Variants in DPYSL5 observed in about 807,000 individuals in gnomAD.
DPYSL5 encodes dihydropyrimidinase-related protein 5.
A neutral mutation model predicts 58.4 loss-of-function variants in DPYSL5; 9 were observed. The ratio of observed to expected loss-of-function variants is 0.15; its 90% CI spans 0.09 to 0.27. The LOEUF (loss-of-function observed/expected upper bound fraction) is 0.27, where lower values mean the gene tolerates loss of function less well. DPYSL5 is among the 10% of genes least tolerant of loss of function. The probability of loss-of-function intolerance (pLI) is 1.00; values close to 1 mark genes in which losing one functional copy is unlikely to be tolerated. For synonymous variants in DPYSL5, 293 were observed against 301.9 expected, an observed-to-expected ratio of 0.97 and a Z score of 0.31; for missense variants, 499 against 770.6, an observed-to-expected ratio of 0.65 and a Z score of 4.17.
rs202186057 is a variant in DPYSL5 at position 26,927,234 on chromosome 2, C to T, written c.421-19C>T. On this transcript the variant is annotated intron_variant, in intron 3 of 12. Coordinates refer to ENST00000288699, the MANE Select transcript of DPYSL5 (RefSeq NM_020134.4). The surrounding 1 kb of genome is among the most constrained non-coding windows in gnomAD (Gnocchi z 4.3). ...GGTGTCTGCCCTCACGCAGCATTGCCCTTCTACTTGTTCTCCAGGTGAAAG... is the reference window on the plus strand; with the variant it reads ...GGTGTCTGCCCTCACGCAGCATTGCTCTTCTACTTGTTCTCCAGGTGAAAG... 4 of 1,608,302 alleles carry T rather than the reference C, an allele frequency of 2.5e-6. No homozygotes were observed. The highest frequency in any genetic ancestry group is 1.7e-5 in the Admixed American group (1 of 59,350).
intron 1 of DPYSL5, among the ~76,000 whole-genome samples, chr2:26,889,275 CT>C (rs57812800): frequency 1.1e-3 from 162 of 145,700 alleles, no homozygotes; most frequent in Middle Eastern, 3.6e-3. Context: ...GCTTATACTT[CT>C]TTTTTTTTTT....
intron 2 of DPYSL5, among the ~76,000 whole-genome samples, chr2:26,913,852 C>G (rs1001661524): frequency 6.6e-6 from 1 of 151,164 alleles, no homozygotes; most frequent in African/African-American, 2.4e-5. Flanking sequence ...AAGGAAATGT[C>G]TTCAGCATGG....
At chr2:26,912,288 C>A (rs565883439) in intron 2 of DPYSL5, among the ~76,000 whole-genome samples, 4 of 152,324 alleles carry the variant, frequency 2.6e-5, no homozygotes, top group South Asian at 2.1e-4. Flanking sequence ...TGACTCACAG[C>A]CCCCGTTCCT....
chr2:26,855,929 A>G (rs924073501), intron 1 of DPYSL5, among the ~76,000 whole-genome samples: 2 of 152,176 alleles, frequency 1.3e-5, no homozygotes, highest in Non-Finnish European at 2.9e-5. Context: ...TTTTCATTTA[A>G]TATCTTTTTG....
chr2:26,874,337 C>T (rs899339223), intron 1 of DPYSL5, among the ~76,000 whole-genome samples: 1 of 152,080 alleles, frequency 6.6e-6, no homozygotes, highest in Non-Finnish European at 1.5e-5. Context: ...AACCCAAGAT[C>T]CTAAAGACTT....
intron 1 of DPYSL5, among the ~76,000 whole-genome samples, chr2:26,880,357 C>T (rs1355410529): frequency 1.3e-5 from 2 of 152,224 alleles, no homozygotes; most frequent in Non-Finnish European, 1.5e-5. Context: ...TCACTGCCCT[C>T]CCTGTCTCCA....
intron 5 of DPYSL5, among the ~76,000 whole-genome samples, chr2:26,928,704 T>TACACACAC (rs1553320464): frequency 7.9e-5 from 5 of 62,996 alleles, no homozygotes; most frequent in African/African-American, 3.1e-4. Context: ...TATATATATA[T>TACACACAC]ACACACACAC....
chr2:26,849,868 C>A lies in DPYSL5; in HGVS notation c.-5+1614C>A, dbSNP rs544072677. On this transcript the variant is annotated intron_variant, in intron 1 of 12. Coordinates refer to ENST00000288699, the MANE Select transcript of DPYSL5 (RefSeq NM_020134.4). The surrounding 1 kb of genome is among the most constrained non-coding windows in gnomAD (Gnocchi z 6.2). ...CTGGGGGCCTGCAGACAGCCACCCC[C>A]CCACTCCGGCTCGGGTGCCTTCTGG... Among the ~76,000 whole-genome samples the A allele has an allele frequency of 6.6e-6, 1 of 152,322 alleles. No individual in the cohort carries two copies. The highest frequency in any genetic ancestry group is 1.5e-5 in the Non-Finnish European group (1 of 68,018).
At chr2:26,863,899 G>C (rs1254829697) in intron 1 of DPYSL5, among the ~76,000 whole-genome samples, 1 of 152,154 alleles carries the variant, frequency 6.6e-6, no homozygotes, top group Non-Finnish European at 1.5e-5. Context: ...CTGCACTCTA[G>C]TTCACAGTAT....
Position 26,928,245 on chromosome 2 carries a change from T to C in DPYSL5, c.601-10T>C. 1 of 1,613,784 alleles carries C rather than the reference T, an allele frequency of 6.2e-7. No individual in the cohort carries two copies. Among genetic ancestry groups the C allele is most frequent in the Non-Finnish European group, 8.5e-7 (1 of 1,179,782 alleles). ...ATTCTCTCCATTTTCTTTCTCTTGC[T>C]GTTATCCAGGGTGCTAAGGAGGCAC... is the stretch of plus-strand genomic sequence containing the variant. On this transcript the variant is annotated splice_polypyrimidine_tract_variant and intron_variant, in intron 4 of 12. Transcript: ENST00000288699.
At chr2:26,863,519 C>T (rs930506930) in intron 1 of DPYSL5, among the ~76,000 whole-genome samples, 1 of 152,212 alleles carries the variant, frequency 6.6e-6, no homozygotes, top group African/African-American at 2.4e-5. Context: ...TTGGAAATAT[C>T]TTTGAAGCCT....
At chr2:26,869,337 C>T (rs1341660200) in intron 1 of DPYSL5, among the ~76,000 whole-genome samples, 1 of 152,112 alleles carries the variant, frequency 6.6e-6, no homozygotes, top group Non-Finnish European at 1.5e-5. Flanking sequence ...TATAACATTA[C>T]TTGCTTTAAG....
chr2:26,893,698 T>C (rs997419296), intron 1 of DPYSL5, among the ~76,000 whole-genome samples: 2 of 152,098 alleles, frequency 1.3e-5, no homozygotes, highest in African/African-American at 4.8e-5. Flanking sequence ...GAGACAAAGA[T>C]GACTGATAGG....
chr2:26,874,485 T>G (rs1663356873), intron 1 of DPYSL5, among the ~76,000 whole-genome samples: 1 of 152,218 alleles, frequency 6.6e-6, no homozygotes, highest in Admixed American at 6.5e-5. Flanking sequence ...TTTCCCGCAT[T>G]GAATTACCTT....
At chr2:26,885,210 C>T (rs893425457) in intron 1 of DPYSL5, among the ~76,000 whole-genome samples, 43 of 151,844 alleles carry the variant, frequency 2.8e-4, no homozygotes, top group African/African-American at 8.9e-4. Flanking sequence ...AAAAACAAAA[C>T]AAAATAAAAA....
chr2:26,902,304 G>A (rs1336563026), intron 2 of DPYSL5, among the ~76,000 whole-genome samples: 1 of 151,948 alleles, frequency 6.6e-6, no homozygotes, highest in Non-Finnish European at 1.5e-5. Flanking sequence ...TCTTTCATAT[G>A]TATCTAGTAT....
At chr2:26,945,541 A>G (rs987765533) in intron 12 of DPYSL5, among the ~76,000 whole-genome samples, 1 of 117,086 alleles carries the variant, frequency 8.5e-6, no homozygotes, top group Non-Finnish European at 1.7e-5. Flanking sequence ...CATGCGAGCC[A>G]CGGGCTCATA....
In DPYSL5 at chr2:26,944,738, G is replaced by C. The variant is rs751036969; in HGVS notation, c.1523G>C (p.Gly508Ala). The change falls in exon 12 of 13, where the codon GGA (glycine) becomes GCA (alanine). Residue 508 changes from glycine to alanine, a missense_variant. Gly to Ala is a moderately conservative substitution (Grantham distance 60). Coordinates refer to ENST00000288699, the MANE Select transcript of DPYSL5 (RefSeq NM_020134.4). The surrounding 1 kb of genome is among the most constrained non-coding windows in gnomAD (Gnocchi z 4.4). ...VVVHPGKKEM[G>A]TPLADTPTRP... is the part of the protein sequence containing the mutation. ...GTGCACCCTGGGAAAAAAGAGATGGGAACCCCACTCGCAGACACTCCTACC... is the reference window on the plus strand; with the variant it reads ...GTGCACCCTGGGAAAAAAGAGATGGCAACCCCACTCGCAGACACTCCTACC... The C allele has an allele frequency of 5.6e-6, 9 of 1,614,060 alleles. No individual in the cohort carries two copies. The highest frequency in any genetic ancestry group is 1.3e-5 in the African/African-American group (1 of 75,000).
At chr2:26,870,345 A>C (rs1663229074) in intron 1 of DPYSL5, among the ~76,000 whole-genome samples, 1 of 152,144 alleles carries the variant, frequency 6.6e-6, no homozygotes, top group African/African-American at 2.4e-5. Context: ...TGATTTGTGG[A>C]TGTAAAGAAT....
Sources: gnomAD v4.1 joint callset for allele counts (sites outside exome capture counted in the v4.1 genomes callset) on GRCh38, gnomAD v4.1.1 for gene constraint, Gnocchi (gnomAD v3.1) non-coding constraint, MANE v1.5 for transcripts, NCBI Gene and HGNC (gene_info 2026-07-23, HGNC 2026-07-21) for gene names.